Variants in PRKG1 observed in about 807,000 individuals in gnomAD.
PRKG1 encodes the protein cGMP-dependent protein kinase 1.
PRKG1 carries 35 observed loss-of-function variants against 88.1 expected under a neutral mutation model. The ratio of observed to expected loss-of-function variants is 0.40; its 90% CI spans 0.30 to 0.53. The LOEUF (loss-of-function observed/expected upper bound fraction) is 0.53. Among genes scored for constraint, PRKG1 ranks in the 20% least tolerant of loss-of-function variants. The pLI is 0.59. For synonymous variants in PRKG1, 303 were observed against 292.5 expected (o/e 1.04, Z -0.37); for missense variants, 540 against 839.8 (o/e 0.64, Z 4.41).
chr10:51,489,954 C>T (rs1840662386), intron 3 of PRKG1, among the ~76,000 whole-genome samples: 1 of 152,138 alleles, frequency 6.6e-6, no homozygotes, highest in South Asian at 2.1e-4. Flanking sequence ...TACCCCTCTT[C>T]CTATCTTTTG....
At position 51,250,689 on chromosome 10, in the gene PRKG1, T is replaced by C. The variant is rs569925876; in HGVS notation, c.478+97359T>C. On this transcript the variant is annotated intron_variant, in intron 2 of 17. Transcript: ENST00000373980. ...TCTCTGACAAGTGACTGTGCAAAACTCCATCTATGACAAAATGGAATTGTG... is the reference window on the plus strand; with the variant it reads ...TCTCTGACAAGTGACTGTGCAAAACCCCATCTATGACAAAATGGAATTGTG... Among the ~76,000 whole-genome samples, 13 of 151,862 alleles carry C rather than the reference T, an allele frequency of 8.6e-5. No homozygotes were observed. In the South Asian group the frequency reaches 1.9e-3, roughly 22 times the overall value.
rs369667679 is a variant in PRKG1, at chr10:52,156,332, A to G, written c.1002-5557A>G. On this transcript the variant is annotated intron_variant, in intron 8 of 17. Transcript: ENST00000373980. The stretch of plus-strand genomic sequence containing the variant: ...CCTTCCTTCTGATAAGCATTCAGCT[A>G]CTCATTACTTCTCACGTTCGTATTA... 1.1e-4 allele frequency among the ~76,000 whole-genome samples: 17 copies of G among 151,976 alleles called. No homozygotes were observed. The East Asian group carries it at 2.7e-3, about 24-fold the overall frequency.
At chr10:51,484,361 CT>C (rs1421333998) in intron 3 of PRKG1, among the ~76,000 whole-genome samples, 1 of 152,094 alleles carries the variant, frequency 6.6e-6, no homozygotes, top group East Asian at 1.9e-4. Flanking sequence ...CATTTATTTA[CT>C]TTTTAAAAGA....
At chr10:51,364,951 C>A (rs1842558983) in intron 2 of PRKG1, among the ~76,000 whole-genome samples, 1 of 151,886 alleles carries the variant, frequency 6.6e-6, no homozygotes, top group Admixed American at 6.6e-5. Context: ...AAATAATTAC[C>A]ATTTACTGAG....
intron 5 of PRKG1, among the ~76,000 whole-genome samples, chr10:51,984,887 C>T (rs1844113257): frequency 6.6e-6 from 1 of 152,068 alleles, no homozygotes; most frequent in African/African-American, 2.4e-5. Flanking sequence ...AAGGTCATGA[C>T]AGTAAAGTTA....
At chr10:51,997,086 A>T (rs1176875990) in intron 5 of PRKG1, among the ~76,000 whole-genome samples, 1 of 28,708 alleles carries the variant, frequency 3.5e-5, no homozygotes, top group Non-Finnish European at 6.1e-5. Context: ...GAAAATAGAG[A>T]GCAAGAATGT....
At chr10:51,547,313 A>C (rs1055520992) in intron 3 of PRKG1, among the ~76,000 whole-genome samples, 4 of 152,140 alleles carry the variant, frequency 2.6e-5, no homozygotes, top group Admixed American at 2.0e-4. Flanking sequence ...AGATTAAGTC[A>C]TTTATTTATT....
intron 2 of PRKG1, among the ~76,000 whole-genome samples, chr10:51,165,204 C>T (rs1201439796): frequency 6.6e-6 from 1 of 152,106 alleles, no homozygotes; most frequent in African/African-American, 2.4e-5. Context: ...GAACTCTCAG[C>T]AGAAACTCTA....
intron 7 of PRKG1, among the ~76,000 whole-genome samples, chr10:52,105,074 T>C (rs1040986508): frequency 2.0e-5 from 3 of 152,162 alleles, no homozygotes; most frequent in Non-Finnish European, 4.4e-5. Context: ...TTAAGAATCA[T>C]TGAAAAGAAG....
intron 17 of PRKG1, among the ~76,000 whole-genome samples, chr10:52,293,164 G>T (rs188213090): frequency 6.7e-6 from 1 of 150,286 alleles, no homozygotes; most frequent in African/African-American, 2.5e-5. Context: ...ATTCACAATT[G>T]CTTCAAAGAG....
chr10:51,364,982 A>G (rs1242563627), intron 2 of PRKG1, among the ~76,000 whole-genome samples: 2 of 151,998 alleles, frequency 1.3e-5, no homozygotes, highest in Non-Finnish European at 2.9e-5. Context: ...AGTAACAGTT[A>G]TAATGAAAGG....
chr10:52,244,316 T>C (rs1018332806), intron 9 of PRKG1, among the ~76,000 whole-genome samples: 2 of 152,078 alleles, frequency 1.3e-5, no homozygotes, highest in African/African-American at 2.4e-5. Flanking sequence ...ATGGTTCTTT[T>C]TGATTTCCAA....
At chr10:52,149,705 G>A (rs192444786) in intron 8 of PRKG1, among the ~76,000 whole-genome samples, 163 of 152,246 alleles carry the variant, frequency 1.1e-3, no homozygotes, top group African/African-American at 3.6e-3. Flanking sequence ...AGAATGGTGG[G>A]AAGATAAATT....
chr10:51,622,503 T>G (rs960064501), intron 3 of PRKG1, among the ~76,000 whole-genome samples: 5 of 152,230 alleles, frequency 3.3e-5, no homozygotes, highest in Admixed American at 2.6e-4. Context: ...CCAAACTTTC[T>G]GCTTTCTATG....
intron 3 of PRKG1, among the ~76,000 whole-genome samples, chr10:51,489,637 C>T (rs1009277512): frequency 2.5e-4 from 38 of 151,996 alleles, no homozygotes; most frequent in African/African-American, 8.9e-4. Context: ...AGATTTTAAA[C>T]AGGAAAATGA....
At chr10:51,631,549 T>C (rs1474013643) in intron 3 of PRKG1, among the ~76,000 whole-genome samples, 1 of 152,196 alleles carries the variant, frequency 6.6e-6, no homozygotes, top group Non-Finnish European at 1.5e-5. Context: ...CTACAAGCAG[T>C]TGATTTGTTA....
chr10:51,266,927 A>T, intron 2 of PRKG1, among the ~76,000 whole-genome samples: 1 of 152,196 alleles, frequency 6.6e-6, no homozygotes, highest in East Asian at 1.9e-4. Context: ...AACCTATCAT[A>T]GGATCTGATT....
chr10:52,003,023 T>A (rs1844639569), intron 5 of PRKG1, among the ~76,000 whole-genome samples: 1 of 152,208 alleles, frequency 6.6e-6, no homozygotes, highest in African/African-American at 2.4e-5. Flanking sequence ...TCATTTACCG[T>A]TCTCAACTCT....
intron 4 of PRKG1, among the ~76,000 whole-genome samples, chr10:51,850,773 A>G (rs949028459): frequency 6.6e-6 from 1 of 152,178 alleles, no homozygotes; most frequent in African/African-American, 2.4e-5. Flanking sequence ...ATTTAACACT[A>G]TAGTGTTACA....
Sources: gnomAD v4.1 joint callset for allele counts (sites outside exome capture counted in the v4.1 genomes callset) on GRCh38, gnomAD v4.1.1 for gene constraint, MANE v1.5 for transcripts, NCBI Gene and HGNC (gene_info 2026-07-23, HGNC 2026-07-21) for gene names.